Variants in PLCB1 observed in about 807,000 individuals in gnomAD.
The protein encoded by PLCB1 is phospholipase C beta 1.
PLCB1 carries 46 observed loss-of-function variants against 161.8 expected under a neutral mutation model. That is an observed-to-expected ratio of 0.28 (90% CI 0.22 to 0.36). The LOEUF is 0.36. Among genes scored for constraint, PLCB1 ranks in the 10% least tolerant of loss-of-function variants. The pLI is 1.00. For synonymous variants in PLCB1, 517 were observed against 503.7 expected (o/e 1.03, Z -0.35); for missense variants, 1,016 against 1,472.5 (o/e 0.69, Z 5.07).
At chr20:8,284,856 A>G (rs1983039555) in intron 2 of PLCB1, among the ~76,000 whole-genome samples, 2 of 151,788 alleles carry the variant, frequency 1.3e-5, no homozygotes, top group African/African-American at 4.8e-5. Flanking sequence ...TTTGCTTTTC[A>G]TATATGTTGT....
At chr20:8,861,728 CAAAAAAAAA>C (rs35862889) in intron 31 of PLCB1, among the ~76,000 whole-genome samples, 1 of 108,194 alleles carries the variant, frequency 9.2e-6, no homozygotes, top group Non-Finnish European at 1.8e-5. Flanking sequence ...GACTCTACCT[CAAAAAAAAA>C]AAAAAAAAAA....
At chr20:8,229,152 C>T (rs1224999061) in intron 2 of PLCB1, among the ~76,000 whole-genome samples, 1 of 152,038 alleles carries the variant, frequency 6.6e-6, no homozygotes, top group Non-Finnish European at 1.5e-5. Context: ...TCTTTCTATT[C>T]CTGGAGAAGA....
At chr20:8,483,008 A>C (rs2423357) in intron 3 of PLCB1, among the ~76,000 whole-genome samples, 147,946 of 152,010 alleles carry the variant, frequency 0.97, 72,023 homozygotes, top group East Asian at 1. Flanking sequence ...TTTCTCTCCA[A>C]GTGCCTGAAA....
chr20:8,801,430 C>A (rs1243303228), intron 31 of PLCB1, among the ~76,000 whole-genome samples: 1 of 152,160 alleles, frequency 6.6e-6, no homozygotes, highest in Non-Finnish European at 1.5e-5. Flanking sequence ...ACCCTTCTTT[C>A]CTAAGTGTGT....
chr20:8,718,034 A>G (rs1289982899), intron 14 of PLCB1, among the ~76,000 whole-genome samples, 186 bp downstream of exon 14: 4 of 151,608 alleles, frequency 2.6e-5, no homozygotes. Context: ...TTGGTGGCCA[A>G]CATGGTGAAA....
At chr20:8,330,322 G>T (rs556671959) in intron 2 of PLCB1, among the ~76,000 whole-genome samples, 1 of 152,138 alleles carries the variant, frequency 6.6e-6, no homozygotes, top group African/African-American at 2.4e-5. Flanking sequence ...TAAGCAACTT[G>T]CACCAAGCCT....
chr20:8,412,815 T>G (rs1433720562), intron 3 of PLCB1, among the ~76,000 whole-genome samples: 1 of 152,192 alleles, frequency 6.6e-6, no homozygotes, highest in Non-Finnish European at 1.5e-5. Context: ...TATATTGATA[T>G]GTGCTTTGGA....
At chr20:8,858,583 A>G (rs1987144765) in intron 31 of PLCB1, among the ~76,000 whole-genome samples, 1 of 152,092 alleles carries the variant, frequency 6.6e-6, no homozygotes, top group Admixed American at 6.5e-5. Flanking sequence ...CTACAGTGTG[A>G]GTGTGCAGAG....
chr20:8,752,089 G>A (rs1343282449), intron 23 of PLCB1: 2 of 151,930 alleles, frequency 1.3e-5, no homozygotes, highest in African/African-American at 2.4e-5. Flanking sequence ...ATTTAACTTT[G>A]TATGTACGGA....
At chr20:8,737,284 A>G in intron 20 of PLCB1, 92 bp downstream of exon 20, 1 of 1,104,594 alleles carries the variant, frequency 9.1e-7, no homozygotes, top group East Asian at 2.5e-5. Context: ...TTTGTTATTT[A>G]ATTTGAAAAT....
At chr20:8,863,678 C>T (rs1211845548) in intron 31 of PLCB1, among the ~76,000 whole-genome samples, 2 of 152,144 alleles carry the variant, frequency 1.3e-5, no homozygotes, top group African/African-American at 4.8e-5. Flanking sequence ...TTGTATTTTA[C>T]CATTATAACC....
chr20:8,498,055 C>G (rs540603865), intron 3 of PLCB1, among the ~76,000 whole-genome samples: 1 of 152,114 alleles, frequency 6.6e-6, no homozygotes, highest in Admixed American at 6.5e-5. Context: ...AAAGTGTATT[C>G]CTATAGCCAA....
At chr20:8,274,439 C>T (rs544839545) in intron 2 of PLCB1, among the ~76,000 whole-genome samples, 2 of 151,516 alleles carry the variant, frequency 1.3e-5, no homozygotes, top group South Asian at 4.2e-4. Flanking sequence ...CCTTGTGTGT[C>T]CCTCCCTCTC....
At chr20:8,707,778 C>T (rs368226522) in intron 11 of PLCB1, among the ~76,000 whole-genome samples, 1 of 152,180 alleles carries the variant, frequency 6.6e-6, no homozygotes, top group Admixed American at 6.5e-5. Context: ...ATTTTAATAC[C>T]TTTACTTTCT....
chr20:8,621,195 G>A (rs1435646041), intron 3 of PLCB1, among the ~76,000 whole-genome samples: 2 of 152,098 alleles, frequency 1.3e-5, no homozygotes, highest in Non-Finnish European at 2.9e-5. Flanking sequence ...AAACAGGAAG[G>A]CACATAGGAT....
chr20:8,798,389 T>C (rs1462258213), intron 31 of PLCB1, among the ~76,000 whole-genome samples: 1 of 152,206 alleles, frequency 6.6e-6, no homozygotes, highest in African/African-American at 2.4e-5. Context: ...AAAGATTGTG[T>C]GTGTGTGTGA....
At chr20:8,465,294 C>A (rs1246447853) in intron 3 of PLCB1, among the ~76,000 whole-genome samples, 1 of 152,158 alleles carries the variant, frequency 6.6e-6, no homozygotes, top group Non-Finnish European at 1.5e-5. Context: ...CATTCCCCAA[C>A]TCCCTACAAA....
intron 3 of PLCB1, among the ~76,000 whole-genome samples, chr20:8,578,061 A>C (rs2123070348): frequency 6.6e-6 from 1 of 152,286 alleles, no homozygotes; most frequent in South Asian, 2.1e-4. Context: ...TTAACTCATA[A>C]TCCTAACCTC....
intron 2 of PLCB1, among the ~76,000 whole-genome samples, chr20:8,238,125 G>A (rs934261992): frequency 2.4e-4 from 36 of 152,072 alleles, no homozygotes; most frequent in African/African-American, 8.0e-4. Context: ...TAAATTGAAC[G>A]AGTAATGATT....
Sources: gnomAD v4.1 joint callset for allele counts (sites outside exome capture counted in the v4.1 genomes callset) on GRCh38, gnomAD v4.1.1 for gene constraint, MANE v1.5 for transcripts, NCBI Gene and HGNC (gene_info 2026-07-23, HGNC 2026-07-21) for gene names.